Variants in KHDRBS2 observed in about 807,000 individuals in gnomAD.
The protein encoded by KHDRBS2 is KH domain-containing, RNA-binding, signal transduction-associated protein 2.
In KHDRBS2, 26 loss-of-function variants were observed where a neutral mutation model predicts 44.3. The ratio of observed to expected loss-of-function variants is 0.59; its 90% CI spans 0.43 to 0.81. The LOEUF (loss-of-function observed/expected upper bound fraction) is 0.81. KHDRBS2 is among the 40% of genes least tolerant of loss of function. KHDRBS2 has a pLI of 0.00. For missense variants in KHDRBS2, 476 were observed against 433.1 expected, an observed-to-expected ratio of 1.10 and a Z score of -0.88; for synonymous variants, 194 against 151.1, an observed-to-expected ratio of 1.28 and a Z score of -2.08.
the KHDRBS2 span, among the ~76,000 whole-genome samples, chr6:61,616,373 T>C: frequency 6.6e-6 from 1 of 151,892 alleles, no homozygotes; most frequent in East Asian, 1.9e-4. Context: ...GTAAAATAAT[T>C]GGGCAGTGGT....
chr6:61,635,835 T>C, the KHDRBS2 span, among the ~76,000 whole-genome samples: 415 of 152,148 alleles, frequency 2.7e-3, no homozygotes, highest in African/African-American at 9.6e-3. Context: ...TTGAGAATGA[T>C]ATCATCTTTT....
chr6:61,936,004 G>T (rs960370690), intron 4 of KHDRBS2, among the ~76,000 whole-genome samples: 6 of 152,052 alleles, frequency 3.9e-5, no homozygotes, highest in African/African-American at 1.4e-4. Context: ...TCTAATTCAT[G>T]ATTTTAAATT....
At chr6:62,009,009 A>G (rs1190501015) in intron 3 of KHDRBS2, among the ~76,000 whole-genome samples, 2 of 152,192 alleles carry the variant, frequency 1.3e-5, no homozygotes, top group Non-Finnish European at 2.9e-5. Flanking sequence ...AAAATGTGGA[A>G]GTGACTTTGG....
At chr6:62,102,693 G>T (rs1171032655) in intron 2 of KHDRBS2, among the ~76,000 whole-genome samples, 3 of 152,152 alleles carry the variant, frequency 2.0e-5, no homozygotes, top group Non-Finnish European at 1.5e-5. Context: ...ACCAGCAGAG[G>T]GTGGGAAGAC....
chr6:61,955,651 T>TATGC (rs773969838), intron 4 of KHDRBS2, among the ~76,000 whole-genome samples: 4 of 147,288 alleles, frequency 2.7e-5, no homozygotes, highest in South Asian at 2.2e-4. Context: ...CGTATGTATG[T>TATGC]ATGCATATAT....
the KHDRBS2 span, among the ~76,000 whole-genome samples, chr6:61,616,946 G>C: frequency 6.6e-6 from 1 of 152,046 alleles, no homozygotes; most frequent in Admixed American, 6.6e-5. Context: ...TTAATTCTCA[G>C]GGACAACTTA....
chr6:62,216,704 T>TTG (rs558476104), intron 1 of KHDRBS2, among the ~76,000 whole-genome samples: 2 of 150,654 alleles, frequency 1.3e-5, no homozygotes, highest in African/African-American at 4.9e-5. Context: ...CTCTTTTTTT[T>TTG]TTTTTTGTTT....
At chr6:61,907,282 C>T (rs754365422) in intron 4 of KHDRBS2, among the ~76,000 whole-genome samples, 12 of 151,790 alleles carry the variant, frequency 7.9e-5, no homozygotes, top group Non-Finnish European at 1.5e-4. Flanking sequence ...GTTGTTTGAG[C>T]TCCTTATATA....
At chr6:61,700,905 GAAAAATAC>G (rs1209056268) in intron 7 of KHDRBS2, among the ~76,000 whole-genome samples, 1 of 151,788 alleles carries the variant, frequency 6.6e-6, no homozygotes, top group Non-Finnish European at 1.5e-5. Flanking sequence ...ATTGTTAAGA[GAAAAATAC>G]ATTTTAAAAA....
At chr6:61,748,873 A>C (rs1369341166) in intron 6 of KHDRBS2, among the ~76,000 whole-genome samples, 1 of 152,132 alleles carries the variant, frequency 6.6e-6, no homozygotes, top group African/African-American at 2.4e-5. Context: ...TGTGCTATCC[A>C]ATATGATATT....
chr6:61,900,541 AAACAAATTCT>A (rs1803789051), intron 5 of KHDRBS2, among the ~76,000 whole-genome samples: 1 of 152,176 alleles, frequency 6.6e-6, no homozygotes, highest in Non-Finnish European at 1.5e-5. Flanking sequence ...GAATCCTGCA[AAACAAATTCT>A]AATACAAAAA....
intron 2 of KHDRBS2, among the ~76,000 whole-genome samples, chr6:62,053,347 C>T (rs895198403): frequency 6.6e-6 from 1 of 151,040 alleles, no homozygotes; most frequent in South Asian, 2.1e-4. Context: ...ACCAAAGCCA[C>T]TCATAAAAGA....
At chr6:61,633,545 C>T in the KHDRBS2 span, among the ~76,000 whole-genome samples, 4 of 152,016 alleles carry the variant, frequency 2.6e-5, no homozygotes, top group Non-Finnish European at 5.9e-5. Context: ...CCTAAGTGCT[C>T]ATATCTACAG....
chr6:61,610,971 A>G, the KHDRBS2 span, among the ~76,000 whole-genome samples: 9 of 152,204 alleles, frequency 5.9e-5, no homozygotes, highest in Admixed American at 3.3e-4. Context: ...GAAGGCCCCT[A>G]TGATATCTTT....
intron 6 of KHDRBS2, among the ~76,000 whole-genome samples, chr6:61,749,160 CCGCCACCA>C (rs1341331400): frequency 1.3e-5 from 2 of 151,476 alleles, no homozygotes; most frequent in Non-Finnish European, 2.9e-5. Context: ...CTACAGGCGC[CCGCCACCA>C]TGCCCGGCTA....
rs560826618 is a variant in KHDRBS2, at chr6:61,915,611, G to T, written c.484-14240C>A. On this transcript the variant is annotated intron_variant, in intron 4 of 8. Coordinates refer to ENST00000281156, the MANE Select transcript of KHDRBS2 (RefSeq NM_152688.4). ...AAAACTCCTACTCAAATAACAATTT[G>T]CTTTCCATGCCATCTCATTTTATGC... 2.5e-3 allele frequency among the ~76,000 whole-genome samples: 376 copies of T among 152,112 alleles called. 3 individuals carry two copies. Among genetic ancestry groups the T allele is most frequent in the African/African-American group, 8.5e-3 (351 of 41,538 alleles).
At chr6:61,773,939 A>C (rs1781469323) in intron 6 of KHDRBS2, among the ~76,000 whole-genome samples, 1 of 152,102 alleles carries the variant, frequency 6.6e-6, no homozygotes, top group African/African-American at 2.4e-5. Flanking sequence ...GGTTTGTCAA[A>C]GATCAGATAG....
At chr6:61,876,783 AT>A (rs1799468997) in intron 6 of KHDRBS2, among the ~76,000 whole-genome samples, 1 of 152,092 alleles carries the variant, frequency 6.6e-6, no homozygotes, top group Non-Finnish European at 1.5e-5. Context: ...GTAATGTTTC[AT>A]CCCACCTCTG....
intron 3 of KHDRBS2, among the ~76,000 whole-genome samples, chr6:61,981,503 T>A (rs73481180): frequency 0.044 from 6,728 of 152,186 alleles, 518 homozygotes; most frequent in African/African-American, 0.15. Flanking sequence ...GTTGCTGTTT[T>A]TCTCTCTGCA....
Sources: allele counts gnomAD v4.1 joint callset (sites outside exome capture counted in the v4.1 genomes callset), GRCh38; gene constraint gnomAD v4.1.1; transcripts MANE v1.5; gene names NCBI Gene and HGNC (gene_info 2026-07-23, HGNC 2026-07-21).